MGMT: variants seen among roughly 807,000 people sequenced by gnomAD.
The protein encoded by MGMT is O-6-methylguanine-DNA methyltransferase, also known as methylated-DNA--protein-cysteine methyltransferase.
A neutral mutation model predicts 15.9 loss-of-function variants in MGMT; 14 were observed. The ratio of observed to expected loss-of-function variants is 0.88; its 90% CI spans 0.58 to 1.37. The LOEUF (loss-of-function observed/expected upper bound fraction) is 1.37, where lower values mean the gene tolerates loss of function less well. Among genes scored for constraint, MGMT ranks in the 40% most tolerant of loss-of-function variants. The probability of loss-of-function intolerance (pLI) is 0.00; values close to 1 mark genes in which losing one functional copy is unlikely to be tolerated. For synonymous variants in MGMT, 130 were observed against 118.2 expected, an observed-to-expected ratio of 1.10 and a Z score of -0.65; for missense variants, 282 against 268.1, an observed-to-expected ratio of 1.05 and a Z score of -0.36.
intron 2 of MGMT, among the ~76,000 whole-genome samples, chr10:129,646,845 C>T (rs1319551386): frequency 2.0e-5 from 3 of 149,512 alleles, no homozygotes; most frequent in Non-Finnish European, 4.4e-5. Flanking sequence ...GTGAGAGCGG[C>T]GGCTTTCCTC....
chr10:129,524,866 A>C (rs1438641448), intron 1 of MGMT, among the ~76,000 whole-genome samples: 1 of 152,108 alleles, frequency 6.6e-6, no homozygotes, highest in Non-Finnish European at 1.5e-5. Context: ...CTGGGATTAC[A>C]GTTGTGAGCC....
rs146092345 is a variant in MGMT, at chr10:129,688,766, A to T, written c.126-19129A>T. Among the ~76,000 whole-genome samples, 910 of 152,268 alleles carry T rather than the reference A, an allele frequency of 6.0e-3. 17 individuals are homozygous for T. Among genetic ancestry groups the T allele is most frequent in the Admixed American group, 0.044 (666 of 15,304 alleles). On this transcript the variant is annotated intron_variant, in intron 2 of 4. Coordinates refer to ENST00000651593, the MANE Select transcript of MGMT (RefSeq NM_002412.5). ...AAATTGACAAATGGTATCTAATTAA[A>T]CTAAAGAACAACGTTTTTATTCTGT...
chr10:129,557,197 CAAGAGGAACT>C (rs1846223966), intron 2 of MGMT, among the ~76,000 whole-genome samples: 1 of 152,202 alleles, frequency 6.6e-6, no homozygotes, highest in African/African-American at 2.4e-5. Flanking sequence ...TTCGAGGAAG[CAAGAGGAACT>C]ATGTCAGATG....
chr10:129,593,890 G>C (rs906482415), intron 2 of MGMT, among the ~76,000 whole-genome samples: 14 of 152,362 alleles, frequency 9.2e-5, no homozygotes, highest in African/African-American at 3.1e-4. Flanking sequence ...CAGAGAAGGT[G>C]GGAGCAGAGG....
chr10:129,520,492 G>GTGCAGAGCCTCTACGGTGCAGA (rs1554905942), intron 1 of MGMT, among the ~76,000 whole-genome samples: 1 of 151,348 alleles, frequency 6.6e-6, no homozygotes, highest in African/African-American at 2.4e-5. Flanking sequence ...TATGGTGCAG[G>GTGCAGAGCCTCTACGGTGCAGA]TGCAGAGCCC....
chr10:129,482,817 T>C (rs1845372236), intron 1 of MGMT, among the ~76,000 whole-genome samples: 9 of 152,166 alleles, frequency 5.9e-5, no homozygotes, highest in Admixed American at 5.9e-4. Flanking sequence ...GAAAACACAG[T>C]TGGGTCTCTT....
At position 129,467,262 on chromosome 10, in the gene MGMT, C is replaced by T; in HGVS notation, c.-47C>T. 1.3e-6 allele frequency: 2 copies of T among 1,544,800 alleles called. No individual in the cohort carries two copies. The highest frequency in any genetic ancestry group is 8.7e-7 in the Non-Finnish European group (1 of 1,145,744). On this transcript the variant is annotated 5_prime_UTR_variant, in exon 1 of 5. Coordinates refer to ENST00000651593, the MANE Select transcript of MGMT (RefSeq NM_002412.5). ...CTAGAACGCTTTGCGTCCCGACGCC[C>T]GCAGGTCCTCGCGGTGCGCACCGTT...
chr10:129,472,483 A>G (rs1222603199), intron 1 of MGMT, among the ~76,000 whole-genome samples: 2 of 152,134 alleles, frequency 1.3e-5, no homozygotes, highest in Non-Finnish European at 2.9e-5. Flanking sequence ...TTTTCCCCCC[A>G]GTCCAATCCG....
At chr10:129,751,496 TTGTC>T (rs1256024929) in intron 3 of MGMT, among the ~76,000 whole-genome samples, 1 of 151,952 alleles carries the variant, frequency 6.6e-6, no homozygotes, top group African/African-American at 2.4e-5. Context: ...CTCTTATCAT[TTGTC>T]TGTTTTCAAT....
At chr10:129,487,515 T>C (rs1762422) in intron 1 of MGMT, among the ~76,000 whole-genome samples, 151,603 of 152,100 alleles carry the variant, frequency 1, 75,556 homozygotes, top group East Asian at 1. Context: ...AGGAAATTTC[T>C]TTCTCTTCTG....
At chr10:129,507,495 C>T (rs1845637819) in intron 1 of MGMT, among the ~76,000 whole-genome samples, 1 of 152,150 alleles carries the variant, frequency 6.6e-6, no homozygotes, top group Admixed American at 6.5e-5. Flanking sequence ...TGGAGGAGAT[C>T]TGGCTTTCAG....
chr10:129,575,703 A>T (rs954612805), intron 2 of MGMT, among the ~76,000 whole-genome samples: 6 of 151,600 alleles, frequency 4.0e-5, no homozygotes, highest in African/African-American at 1.5e-4. Flanking sequence ...ACTGAAGGAA[A>T]TAGAGACACA....
chr10:129,513,651 C>G (rs1027638832), intron 1 of MGMT, among the ~76,000 whole-genome samples: 1 of 152,168 alleles, frequency 6.6e-6, no homozygotes, highest in Non-Finnish European at 1.5e-5. Flanking sequence ...TTATCCTGGC[C>G]TTGGTGTTCA....
At chr10:129,748,243 T>C (rs954603615) in intron 3 of MGMT, among the ~76,000 whole-genome samples, 1 of 152,180 alleles carries the variant, frequency 6.6e-6, no homozygotes, top group Non-Finnish European at 1.5e-5. Flanking sequence ...CATTTTTTTA[T>C]GTTAGTATGG....
chr10:129,574,660 C>A (rs1846458651), intron 2 of MGMT, among the ~76,000 whole-genome samples: 1 of 152,290 alleles, frequency 6.6e-6, no homozygotes, highest in East Asian at 1.9e-4. Context: ...TCCTGTACGT[C>A]TAACTTCAGT....
chr10:129,479,232 TATA>T (rs150513435), intron 1 of MGMT, among the ~76,000 whole-genome samples: 4,713 of 152,304 alleles, frequency 0.031, 188 homozygotes, highest in African/African-American at 0.086. Flanking sequence ...GGTGGGGACA[TATA>T]ATAATTGATC....
At chr10:129,685,475 G>A (rs1431039685) in intron 2 of MGMT, among the ~76,000 whole-genome samples, 1 of 152,052 alleles carries the variant, frequency 6.6e-6, no homozygotes, top group Non-Finnish European at 1.5e-5. Flanking sequence ...TGGCCTCCTC[G>A]ACCCTCCACC....
chr10:129,646,621 G>A lies in MGMT; in HGVS notation c.126-61274G>A, dbSNP rs146956547. ...TACCTTAGCTAGACGTTTCCATCCCGTGGCAGCTTAACACGTGGCATCCTC... is the reference window on the plus strand; with the variant it reads ...TACCTTAGCTAGACGTTTCCATCCCATGGCAGCTTAACACGTGGCATCCTC... On this transcript the variant is annotated intron_variant, in intron 2 of 4. Coordinates refer to ENST00000651593, the MANE Select transcript of MGMT (RefSeq NM_002412.5). Among the ~76,000 whole-genome samples the A allele has an allele frequency of 9.2e-3, 1,388 of 150,230 alleles. 9 individuals are homozygous for A. The highest frequency in any genetic ancestry group is 0.038 in the Middle Eastern group (11 of 290).
chr10:129,586,273 A>C (rs973342774), intron 2 of MGMT, among the ~76,000 whole-genome samples: 1 of 152,108 alleles, frequency 6.6e-6, no homozygotes, highest in Non-Finnish European at 1.5e-5. Flanking sequence ...GGATGACCCC[A>C]ATCAAAATAA....
Sources: gnomAD v4.1 joint callset for allele counts (sites outside exome capture counted in the v4.1 genomes callset) on GRCh38, gnomAD v4.1.1 for gene constraint, MANE v1.5 for transcripts, NCBI Gene and HGNC (gene_info 2026-07-23, HGNC 2026-07-21) for gene names.